Variants in ZNF469 observed in about 807,000 individuals in gnomAD.
ZNF469 encodes zinc finger protein 469.
In ZNF469, 1 loss-of-function variant was observed where a neutral mutation model predicts 1.0. That is an observed-to-expected ratio of 1.00 (90% CI 0.35 to 4.73). The LOEUF (loss-of-function observed/expected upper bound fraction) is 4.73. Ranked by LOEUF, ZNF469 falls within the 30% of genes most tolerant of loss-of-function variation. The pLI, the probability that ZNF469 is intolerant of heterozygous loss-of-function variation, is 0.16. For missense variants in ZNF469, 6,100 were observed against 5,356.3 expected (o/e 1.14, Z -4.33); for synonymous variants, 2,703 against 2,363.4 (o/e 1.14, Z -4.17).
intron 1 of ZNF469, among the ~76,000 whole-genome samples, chr16:88,409,738 G>C (rs1007732539): frequency 6.6e-6 from 1 of 152,178 alleles, no homozygotes; most frequent in Non-Finnish European, 1.5e-5. Context: ...ACAAAGCTCG[G>C]TAAAGCAGGC....
At chr16:88,385,249 T>C (rs2092534494) in intron 1 of ZNF469, among the ~76,000 whole-genome samples, 1 of 152,050 alleles carries the variant, frequency 6.6e-6, no homozygotes, top group Admixed American at 6.5e-5. Flanking sequence ...TCACCACCGA[T>C]AGTGCCCTAG....
At chr16:88,144,469 G>A in the ZNF469 span, among the ~76,000 whole-genome samples, 4 of 152,304 alleles carry the variant, frequency 2.6e-5, no homozygotes, top group East Asian at 1.9e-4. Flanking sequence ...AGGACATCAC[G>A]TCCCTCCAGC....
the ZNF469 span, among the ~76,000 whole-genome samples, chr16:88,225,095 G>A: frequency 6.6e-6 from 1 of 152,176 alleles, no homozygotes; most frequent in Non-Finnish European, 1.5e-5. Context: ...CAGTGCCTAC[G>A]GGCGCCTGGC....
At chr16:88,102,891 G>C in the ZNF469 span, among the ~76,000 whole-genome samples, 3 of 152,272 alleles carry the variant, frequency 2.0e-5, no homozygotes, top group South Asian at 6.2e-4. Context: ...ACACGTGGCA[G>C]AATGCATGTG....
At chr16:88,284,366 G>A in the ZNF469 span, among the ~76,000 whole-genome samples, 1,049 of 152,270 alleles carry the variant, frequency 6.9e-3, 12 homozygotes, top group African/African-American at 0.023. Flanking sequence ...CTCTTCGACC[G>A]AGGGATCCTG....
the ZNF469 span, among the ~76,000 whole-genome samples, chr16:88,210,792 G>A: frequency 6.6e-6 from 1 of 152,096 alleles, no homozygotes; most frequent in Non-Finnish European, 1.5e-5. Context: ...GTTGTGTATC[G>A]GTCCCACACT....
chr16:88,115,290 A>G, the ZNF469 span, among the ~76,000 whole-genome samples: 3 of 152,124 alleles, frequency 2.0e-5, no homozygotes, highest in Non-Finnish European at 4.4e-5. Flanking sequence ...CTGATCTGCA[A>G]TAGATATATA....
rs1172360719 is a variant in ZNF469, at chr16:88,437,575, C to T, written c.10105C>T (p.Arg3369Trp). The change falls in exon 3 of 3, where the codon CGG becomes TGG. Residue 3369 changes from arginine to tryptophan, a missense_variant. Arg to Trp is a moderately radical substitution (Grantham distance 101). Transcript: ENST00000565624. ...CCCGCAGCGCGTCTACCTGTGCCCC[C>T]GGTGCCCCCGGGTCTACCCCGAGCA... ...HSPQRVYLCP[R>W]CPRVYPEHGE... 2 of 1,536,230 alleles carry T rather than the reference C, an allele frequency of 1.3e-6. No individual in the cohort carries two copies. The highest frequency in any genetic ancestry group is 1.2e-5 in the South Asian group (1 of 83,622).
chr16:88,219,807 A>G, the ZNF469 span, among the ~76,000 whole-genome samples: 4 of 152,054 alleles, frequency 2.6e-5, no homozygotes, highest in Non-Finnish European at 4.4e-5. Context: ...CAGGTCCTTC[A>G]GGCAGCCCAA....
chr16:88,355,862 T>C, the ZNF469 span, among the ~76,000 whole-genome samples: 2 of 152,082 alleles, frequency 1.3e-5, no homozygotes, highest in Admixed American at 1.3e-4. Context: ...AGACCACACT[T>C]TGGGGTGCAG....
At chr16:88,148,376 C>T in the ZNF469 span, among the ~76,000 whole-genome samples, 1 of 152,182 alleles carries the variant, frequency 6.6e-6, no homozygotes, top group Non-Finnish European at 1.5e-5. Flanking sequence ...CCATGCCGGA[C>T]ACACACCAAT....
chr16:88,236,766 C>T, the ZNF469 span, among the ~76,000 whole-genome samples: 3 of 151,772 alleles, frequency 2.0e-5, no homozygotes, highest in Non-Finnish European at 4.4e-5. Flanking sequence ...ACTCTGGAGG[C>T]TGAGGCAAGA....
At chr16:88,194,473 G>A in the ZNF469 span, 2 of 152,298 alleles carry the variant, frequency 1.3e-5, no homozygotes, top group Admixed American at 1.3e-4. Context: ...CTGCCTGCAA[G>A]ACCTGCACAG....
chr16:88,414,501 C>T (rs1415683890), intron 1 of ZNF469, among the ~76,000 whole-genome samples: 2 of 152,230 alleles, frequency 1.3e-5, no homozygotes, highest in Admixed American at 6.5e-5. Context: ...GGCAGCCTCC[C>T]GGGAGAGAGC....
intron 1 of ZNF469, among the ~76,000 whole-genome samples, chr16:88,414,428 T>C (rs747449779): frequency 6.6e-6 from 1 of 152,212 alleles, no homozygotes; most frequent in Non-Finnish European, 1.5e-5. Flanking sequence ...CAAAGAGCCC[T>C]GGGGACCGCA....
At chr16:88,285,493 G>T in the ZNF469 span, among the ~76,000 whole-genome samples, 3 of 152,274 alleles carry the variant, frequency 2.0e-5, no homozygotes, top group South Asian at 2.1e-4. Context: ...CAGCCAGCGT[G>T]GGCAGGGCCA....
chr16:88,347,175 G>C, the ZNF469 span, among the ~76,000 whole-genome samples: 67,261 of 151,904 alleles, frequency 0.44, 15,435 homozygotes, highest in African/African-American at 0.56. Flanking sequence ...CACCAAGCTG[G>C]GGACCCACAC....
the ZNF469 span, among the ~76,000 whole-genome samples, chr16:88,275,110 C>T: frequency 6.6e-6 from 1 of 152,206 alleles, no homozygotes; most frequent in African/African-American, 2.4e-5. Context: ...CTCCCACGAG[C>T]TCTGCAACCT....
the ZNF469 span, among the ~76,000 whole-genome samples, chr16:88,300,458 C>T: frequency 2.6e-5 from 4 of 152,028 alleles, no homozygotes; most frequent in African/African-American, 9.7e-5. Context: ...GTGCAGCATC[C>T]CCCAGGGCCC....
Sources: allele counts gnomAD v4.1 joint callset (sites outside exome capture counted in the v4.1 genomes callset), GRCh38; gene constraint gnomAD v4.1.1; transcripts MANE v1.5; gene names NCBI Gene and HGNC (gene_info 2026-07-23, HGNC 2026-07-21).